TMEM267: variants seen among roughly 807,000 people sequenced by gnomAD.
The protein encoded by TMEM267 is transmembrane protein C5orf28.
In TMEM267, 20 loss-of-function variants were observed where a neutral mutation model predicts 19.3. The ratio of observed to expected loss-of-function variants is 1.04; its 90% confidence interval spans 0.73 to 1.51. The LOEUF (loss-of-function observed/expected upper bound fraction) is 1.51, where lower values mean the gene tolerates loss of function less well. TMEM267 is among the 40% of genes most tolerant of loss of function. The probability of loss-of-function intolerance (pLI) is 0.00; values close to 1 mark genes in which losing one functional copy is unlikely to be tolerated. For missense variants in TMEM267, 242 were observed against 261.9 expected (o/e 0.92, Z 0.52); for synonymous variants, 88 against 90.3 (o/e 0.97, Z 0.15).
At chr5:43,451,197 G>A (rs1742565912) in intron 2 of TMEM267, among the ~76,000 whole-genome samples, 1 of 151,850 alleles carries the variant, frequency 6.6e-6, no homozygotes, top group Admixed American at 6.6e-5. Context: ...AACCCCACAA[G>A]GTAAGTAATG....
At chr5:43,461,548 A>G (rs1443914793) in intron 1 of TMEM267, among the ~76,000 whole-genome samples, 1 of 152,174 alleles carries the variant, frequency 6.6e-6, no homozygotes, top group East Asian at 1.9e-4. Context: ...TGGGCCACAG[A>G]GGAGCCCACT....
At chr5:43,471,520 T>A (rs1337508057) in intron 1 of TMEM267, among the ~76,000 whole-genome samples, 1 of 151,650 alleles carries the variant, frequency 6.6e-6, no homozygotes, top group African/African-American at 2.4e-5. Context: ...ACTGGAAGAA[T>A]CACATTACCT....
At chr5:43,465,934 C>T (rs1167797933) in intron 1 of TMEM267, among the ~76,000 whole-genome samples, 2 of 147,782 alleles carry the variant, frequency 1.4e-5, no homozygotes, top group Non-Finnish European at 3.0e-5. Context: ...TGCACATGTA[C>T]CCTAAAACTT....
chr5:43,456,157 A>C (rs1742937711), intron 1 of TMEM267, among the ~76,000 whole-genome samples: 1 of 152,210 alleles, frequency 6.6e-6, no homozygotes. Context: ...TTTTTGATAA[A>C]GGTGCAAAGA....
At chr5:43,479,208 TA>T (rs1255565369) in intron 1 of TMEM267, among the ~76,000 whole-genome samples, 3 of 151,998 alleles carry the variant, frequency 2.0e-5, no homozygotes, top group African/African-American at 7.2e-5. Flanking sequence ...TATTCAAATT[TA>T]AAAGATAACC....
chr5:43,465,435 C>G (rs1361171031), intron 1 of TMEM267, among the ~76,000 whole-genome samples: 1 of 152,162 alleles, frequency 6.6e-6, no homozygotes, highest in East Asian at 1.9e-4. Context: ...ACTAGAAATA[C>G]CATTTGACCC....
At chr5:43,473,651 G>T (rs1043806974) in intron 1 of TMEM267, among the ~76,000 whole-genome samples, 1 of 152,214 alleles carries the variant, frequency 6.6e-6, no homozygotes, top group African/African-American at 2.4e-5. Flanking sequence ...CTCATGGATA[G>T]GAAGAATGAA....
At chr5:43,462,567 G>T (rs995513411) in intron 1 of TMEM267, among the ~76,000 whole-genome samples, 1 of 152,144 alleles carries the variant, frequency 6.6e-6, no homozygotes, top group Non-Finnish European at 1.5e-5. Flanking sequence ...AAGTCTATCA[G>T]ATAAATTTAA....
intron 1 of TMEM267, among the ~76,000 whole-genome samples, chr5:43,461,051 CAA>C (rs373421524): frequency 3.9e-5 from 6 of 152,274 alleles, no homozygotes; most frequent in African/African-American, 1.4e-4. Context: ...CTTGAGGCTC[CAA>C]AAGAGACCCC....
chr5:43,464,376 C>T (rs981579948), intron 1 of TMEM267, among the ~76,000 whole-genome samples: 238 of 152,302 alleles, frequency 1.6e-3, no homozygotes, highest in Non-Finnish European at 2.6e-3. Context: ...AATGGCCATA[C>T]TGCCCAAGGT....
At chr5:43,481,878 T>C (rs1360918568) in intron 1 of TMEM267, among the ~76,000 whole-genome samples, 2 of 152,200 alleles carry the variant, frequency 1.3e-5, no homozygotes, top group Non-Finnish European at 2.9e-5. Flanking sequence ...TTCCTCGCTC[T>C]GTCACCCAGG....
intron 1 of TMEM267, among the ~76,000 whole-genome samples, chr5:43,468,325 T>C (rs1042169394): frequency 6.6e-6 from 1 of 152,106 alleles, no homozygotes; most frequent in Non-Finnish European, 1.5e-5. Context: ...CAGTATCTTA[T>C]CGGTTAATTG....
chr5:43,450,464 C>T, intron 2 of TMEM267, among the ~76,000 whole-genome samples: 1 of 152,222 alleles, frequency 6.6e-6, no homozygotes, highest in South Asian at 2.1e-4. Context: ...ATACTTAATT[C>T]AAAAATAATG....
chr5:43,451,020 G>A (rs1317973422), intron 2 of TMEM267, among the ~76,000 whole-genome samples: 1 of 151,826 alleles, frequency 6.6e-6, no homozygotes, highest in Non-Finnish European at 1.5e-5. Context: ...TGTATTTTTA[G>A]TAGAGACGGG....
chr5:43,462,366 T>C (rs143703441), intron 1 of TMEM267, among the ~76,000 whole-genome samples: 93 of 152,254 alleles, frequency 6.1e-4, no homozygotes, highest in African/African-American at 2.1e-3. Flanking sequence ...AAGTCATCAA[T>C]GCCCAGACAC....
intron 1 of TMEM267, among the ~76,000 whole-genome samples, chr5:43,475,066 A>G (rs866489735): frequency 7.2e-5 from 11 of 152,160 alleles, no homozygotes; most frequent in Admixed American, 2.6e-4. Flanking sequence ...TACTATAAAG[A>G]CTCATGCACA....
At chr5:43,479,958 T>G (rs1744663601) in intron 1 of TMEM267, 1 of 407,682 alleles carries the variant, frequency 2.5e-6, no homozygotes, top group South Asian at 1.8e-5. Context: ...TATGAATCAT[T>G]GTCTCCTTTA....
chr5:43,459,291 A>G (rs1483257667), intron 1 of TMEM267, among the ~76,000 whole-genome samples: 1 of 152,140 alleles, frequency 6.6e-6, no homozygotes, highest in African/African-American at 2.4e-5. Context: ...TCAATACAGC[A>G]AGACAGAAAA....
chr5:43,464,070 C>G (rs1168789376), intron 1 of TMEM267, among the ~76,000 whole-genome samples: 14 of 152,126 alleles, frequency 9.2e-5, no homozygotes, highest in Admixed American at 9.2e-4. Context: ...TGTCTCAGCC[C>G]AAAATCTCCT....
Sources: gnomAD v4.1 joint callset for allele counts (sites outside exome capture counted in the v4.1 genomes callset) on GRCh38, gnomAD v4.1.1 for gene constraint, MANE v1.5 for transcripts, NCBI Gene and HGNC (gene_info 2026-07-23, HGNC 2026-07-21) for gene names.